EVI5: variants seen among roughly 807,000 people sequenced by gnomAD.
The protein encoded by EVI5 is ecotropic viral integration site 5, also known as ecotropic viral integration site 5 protein homolog.
EVI5 carries 73 observed loss-of-function variants against 112.0 expected under a neutral mutation model. That is an observed-to-expected ratio of 0.65 (90% CI 0.54 to 0.79). The LOEUF is 0.79. Ranked by LOEUF, EVI5 falls within the 30% of genes least tolerant of loss-of-function variation. The pLI is 0.00. For missense variants in EVI5, 900 were observed against 968.8 expected (o/e 0.93, Z 0.94); for synonymous variants, 305 against 319.9 (o/e 0.95, Z 0.50).
In EVI5 at chr1:92,589,845, CCTAA is replaced by C. The variant is rs1376433315; in HGVS notation, c.2070+15458_2070+15461del. On this transcript the variant is annotated intron_variant, in intron 18 of 19. Transcript: ENST00000684568. ...AAGTGGGGCCCTGACCCCTGAGTAG[CCTAA>C]CTGAGAGGCACCCCCCCGTATGGGC... Among the ~76,000 whole-genome samples, 16 of 152,326 alleles carry C rather than the reference CCTAA, an allele frequency of 1.1e-4. No individual in the cohort carries two copies. In the South Asian group the frequency reaches 1.9e-3, roughly 18 times the overall value.
intron 1 of EVI5, among the ~76,000 whole-genome samples, chr1:92,748,194 G>A (rs186031514): frequency 1.8e-3 from 278 of 152,152 alleles, no homozygotes; most frequent in African/African-American, 6.4e-3. Flanking sequence ...ACCAAAAGTG[G>A]GTACCAAAAG....
intron 2 of EVI5, among the ~76,000 whole-genome samples, chr1:92,717,141 A>G (rs1276307016): frequency 6.6e-6 from 1 of 152,216 alleles, no homozygotes; most frequent in Non-Finnish European, 1.5e-5. Flanking sequence ...ATGCATACAC[A>G]AGTTTCAATA....
intron 9 of EVI5, among the ~76,000 whole-genome samples, chr1:92,681,764 G>A (rs1207971045): frequency 6.6e-6 from 1 of 152,134 alleles, no homozygotes; most frequent in African/African-American, 2.4e-5. Context: ...GTCCAATAGA[G>A]TAGCCATTAG....
Position 92,538,638 on chromosome 1 carries a change from C to CA in EVI5, c.2167-24669dup, listed in dbSNP as rs553863815. Among the ~76,000 whole-genome samples the CA allele has an allele frequency of 4.3e-3, 660 of 152,086 alleles. 4 individuals are homozygous for CA. Among genetic ancestry groups the CA allele is most frequent in the African/African-American group, 0.015 (623 of 41,480 alleles). On this transcript the variant is annotated intron_variant, in intron 19 of 19. Transcript: ENST00000684568. ...TCAGTTAAAAATCTGAAGGGCAAGA[C>CA]AAAAAAACTAAACAGCTGATTCCAA...
At chr1:92,791,631 T>TA (rs2103164597) in intron 1 of EVI5, among the ~76,000 whole-genome samples, 1 of 152,012 alleles carries the variant, frequency 6.6e-6, no homozygotes, top group Admixed American at 6.6e-5. Context: ...CAAATAAAAA[T>TA]AAGAGTCCCA....
intron 1 of EVI5, chr1:92,756,208 G>C: frequency 4.8e-6 from 2 of 412,536 alleles, no homozygotes; most frequent in Non-Finnish European, 9.8e-6. Flanking sequence ...CTTATCATTA[G>C]AAACCTATCA....
In EVI5 at chr1:92,669,580, C is replaced by G. The variant is rs552577901; in HGVS notation, c.1159-3588G>C. Among the ~76,000 whole-genome samples, 48 of 77,086 alleles carry G rather than the reference C, an allele frequency of 6.2e-4. No individual in the cohort carries two copies. In the South Asian group the frequency reaches 0.023, roughly 37 times the overall value. 50.6% of individuals were successfully genotyped at this position (77,086 alleles called of 152,430 possible). On this transcript the variant is annotated intron_variant, in intron 10 of 19. Transcript: ENST00000684568. ...AAAAAAATCACTGGGAAATTCATAT[C>G]TTTATATAACATGGAGCTATTTTTG...
At chr1:92,571,226 A>G (rs1443396370) in intron 18 of EVI5, among the ~76,000 whole-genome samples, 1 of 147,482 alleles carries the variant, frequency 6.8e-6, no homozygotes, top group Non-Finnish European at 1.5e-5. Flanking sequence ...TCTAAGGCAC[A>G]CTAGATAAAC....
At chr1:92,630,757 A>G (rs79174613) in intron 14 of EVI5, among the ~76,000 whole-genome samples, 140,246 of 152,216 alleles carry the variant, frequency 0.92, 64,695 homozygotes, top group East Asian at 0.97. Context: ...CCTATGTCCT[A>G]AATGATACTG....
rs373290775 is a variant in EVI5, at chr1:92,555,745, G to C, written c.2166+7897C>G. ...TGTGCCTGTAGTCCCAGCTACTTAG[G>C]AGGCTGAGGCAGGAGAATCACTCGA... On this transcript the variant is annotated intron_variant, in intron 19 of 19. Transcript: ENST00000684568. Among the ~76,000 whole-genome samples the C allele has an allele frequency of 6.9e-4, 104 of 151,458 alleles. 1 individual carries two copies. Among genetic ancestry groups the C allele is most frequent in the South Asian group, 4.0e-3 (19 of 4,790 alleles).
chr1:92,784,763 G>A lies in EVI5; in HGVS notation c.-82+73C>T, dbSNP rs901715763. On this transcript the variant is annotated intron_variant, in intron 1 of 19. Transcript: ENST00000684568. ...CCGCCCGCCGCGCCTCGGCCCAGCT[G>A]TGCGCCAGCGGAACACGGACTCACC... The A allele has an allele frequency of 3.4e-5, 32 of 954,662 alleles. No homozygotes were observed. In the African/African-American group the frequency reaches 5.3e-4, roughly 16 times the overall value. The allele number at this position is 954,662 out of a possible 1,614,324, so 59.1% of individuals were successfully genotyped here.
At chr1:92,723,744 C>T (rs536356913) in intron 2 of EVI5, among the ~76,000 whole-genome samples, 50 of 152,242 alleles carry the variant, frequency 3.3e-4, no homozygotes, top group African/African-American at 1.2e-3. Flanking sequence ...TGACTGCTTG[C>T]GGGGTCGAGC....
chr1:92,560,159 A>G (rs1384996004), intron 19 of EVI5, among the ~76,000 whole-genome samples: 2 of 152,246 alleles, frequency 1.3e-5, no homozygotes, highest in Non-Finnish European at 1.5e-5. Context: ...ATGTTCACCA[A>G]CACAGTAGAT....
intron 19 of EVI5, among the ~76,000 whole-genome samples, chr1:92,527,695 G>A (rs547156835): frequency 6.6e-6 from 1 of 152,166 alleles, no homozygotes; most frequent in East Asian, 1.9e-4. Context: ...TCACACAATA[G>A]TTTTGTCTAT....
In EVI5 at chr1:92,695,399, T is replaced by C. The variant is rs1299055725; in HGVS notation, c.820A>G (p.Met274Val). The change falls in exon 7 of 20, where the codon ATG (methionine) becomes GTG (valine). Residue 274 changes from methionine to valine, a missense_variant. By Grantham distance (21) the Met-to-Val change is conservative (BLOSUM62 1). Coordinates refer to ENST00000684568, the MANE Select transcript of EVI5 (RefSeq NM_001350197.2). ...HFQSQSFHTS[M>V]YASSWFLTIF... ...GTCAGAAACCAGGATGATGCATACA[T>C]TGAGGTATGAAAACTCTGAGATTGA... is the stretch of plus-strand genomic sequence containing the variant. The C allele has an allele frequency of 8.7e-6, 14 of 1,606,784 alleles. No homozygotes were observed. Among genetic ancestry groups the C allele is most frequent in the Middle Eastern group, 1.6e-4 (1 of 6,066 alleles).
At chr1:92,569,251 A>G (rs1331090622) in intron 18 of EVI5, among the ~76,000 whole-genome samples, 2 of 152,236 alleles carry the variant, frequency 1.3e-5, no homozygotes, top group East Asian at 1.9e-4. Context: ...CAGATGGTCA[A>G]TACATTTTTC....
At chr1:92,633,618 CTT>C (rs755827728) in intron 14 of EVI5, among the ~76,000 whole-genome samples, 3 of 152,148 alleles carry the variant, frequency 2.0e-5, no homozygotes, top group Admixed American at 6.5e-5. Flanking sequence ...GGTCTTGACT[CTT>C]TATCCAATTT....
intron 1 of EVI5, among the ~76,000 whole-genome samples, chr1:92,739,529 C>T (rs576276838): frequency 1.3e-5 from 2 of 151,996 alleles, no homozygotes; most frequent in African/African-American, 4.8e-5. Context: ...GAAGGTTGCA[C>T]AACCTTGTGA....
intron 1 of EVI5, chr1:92,749,217 A>G: frequency 6.1e-6 from 2 of 329,666 alleles, no homozygotes; most frequent in South Asian, 2.5e-5. Flanking sequence ...TCTTGCAAGC[A>G]GCTTTTGTAG....
Sources: gnomAD v4.1 joint callset for allele counts (sites outside exome capture counted in the v4.1 genomes callset) on GRCh38, gnomAD v4.1.1 for gene constraint, MANE v1.5 for transcripts, NCBI Gene and HGNC (gene_info 2026-07-23, HGNC 2026-07-21) for gene names.